Variants in PLCXD3 observed in about 807,000 individuals in gnomAD.
PLCXD3 encodes the protein phosphatidylinositol specific phospholipase C X domain containing 3.
PLCXD3 carries 19 observed loss-of-function variants against 25.5 expected under a neutral mutation model. The ratio of observed to expected loss-of-function variants is 0.75; its 90% CI spans 0.52 to 1.09. The LOEUF (loss-of-function observed/expected upper bound fraction) is 1.09. Ranked by LOEUF, PLCXD3 falls within the 50% of genes least tolerant of loss-of-function variation. The pLI, the probability that PLCXD3 is intolerant of heterozygous loss-of-function variation, is 0.00. For missense variants in PLCXD3, 411 were observed against 388.1 expected (o/e 1.06, Z -0.50); for synonymous variants, 174 against 137.6 (o/e 1.26, Z -1.85).
At chr5:41,450,241 G>A (rs1747598213) in intron 1 of PLCXD3, among the ~76,000 whole-genome samples, 1 of 152,092 alleles carries the variant, frequency 6.6e-6, no homozygotes, top group Non-Finnish European at 1.5e-5. Flanking sequence ...TGGAAAACCT[G>A]CTGATTTTCT....
intron 1 of PLCXD3, among the ~76,000 whole-genome samples, chr5:41,386,987 A>G (rs1041949039): frequency 6.6e-6 from 1 of 152,042 alleles, no homozygotes; most frequent in African/African-American, 2.4e-5. Context: ...TAAGTTTAGT[A>G]TATGAGCCTT....
At chr5:41,494,236 C>T (rs1748786299) in intron 1 of PLCXD3, among the ~76,000 whole-genome samples, 1 of 152,280 alleles carries the variant, frequency 6.6e-6, no homozygotes, top group South Asian at 2.1e-4. Flanking sequence ...GCTGGGACTG[C>T]AGGTGTGGAG....
At chr5:41,408,051 G>A (rs966355058) in intron 1 of PLCXD3, among the ~76,000 whole-genome samples, 11 of 152,270 alleles carry the variant, frequency 7.2e-5, no homozygotes, top group African/African-American at 2.2e-4. Flanking sequence ...CTTTAAACCA[G>A]TAGATGAGCT....
chr5:41,386,663 GA>G (rs1412866583), intron 1 of PLCXD3, among the ~76,000 whole-genome samples: 1 of 152,062 alleles, frequency 6.6e-6, no homozygotes, highest in African/African-American at 2.4e-5. Context: ...GCTCTTAAAA[GA>G]GACAACAAGC....
At chr5:41,423,275 T>C (rs187519265) in intron 1 of PLCXD3, among the ~76,000 whole-genome samples, 520 of 152,268 alleles carry the variant, frequency 3.4e-3, no homozygotes, top group Middle Eastern at 6.8e-3. Context: ...TATACTTTGG[T>C]CTAAATGCTG....
At chr5:41,410,094 A>G (rs1244818404) in intron 1 of PLCXD3, among the ~76,000 whole-genome samples, 1 of 151,898 alleles carries the variant, frequency 6.6e-6, no homozygotes, top group African/African-American at 2.4e-5. Flanking sequence ...CCTCTGGGGT[A>G]CTTTAGATAG....
chr5:41,470,907 C>T (rs1048011774), intron 1 of PLCXD3, among the ~76,000 whole-genome samples: 23 of 152,130 alleles, frequency 1.5e-4, no homozygotes, highest in Non-Finnish European at 2.9e-4. Context: ...CCCAAGTGCA[C>T]CCTATCAAAG....
chr5:41,442,824 C>T (rs1747413527), intron 1 of PLCXD3, among the ~76,000 whole-genome samples: 1 of 152,024 alleles, frequency 6.6e-6, no homozygotes, highest in African/African-American at 2.4e-5. Flanking sequence ...TCTTGTCTTC[C>T]TTGTTCTTCT....
intron 2 of PLCXD3, among the ~76,000 whole-genome samples, chr5:41,381,015 G>C (rs771152351): frequency 3.3e-5 from 5 of 152,088 alleles, no homozygotes; most frequent in Non-Finnish European, 7.4e-5. Context: ...AGTATAAAAG[G>C]CATAGGATAT....
chr5:41,340,240 T>C (rs900222301), intron 2 of PLCXD3, among the ~76,000 whole-genome samples: 9 of 152,174 alleles, frequency 5.9e-5, no homozygotes, highest in African/African-American at 2.2e-4. Flanking sequence ...TTTTCTACAC[T>C]GAATTTTGCA....
chr5:41,465,623 G>C (rs1413476008), intron 1 of PLCXD3, among the ~76,000 whole-genome samples: 1 of 151,762 alleles, frequency 6.6e-6, no homozygotes, highest in Non-Finnish European at 1.5e-5. Flanking sequence ...ACTTGAGGTT[G>C]AGTAGTGAAG....
chr5:41,475,739 T>C (rs1454617877), intron 1 of PLCXD3: 2 of 534,348 alleles, frequency 3.7e-6, no homozygotes, highest in African/African-American at 3.9e-5. Context: ...ATTACAAGAG[T>C]TACTTCTGTT....
chr5:41,340,133 G>A (rs1039648411), intron 2 of PLCXD3, among the ~76,000 whole-genome samples: 6 of 127,988 alleles, frequency 4.7e-5, no homozygotes, highest in African/African-American at 1.7e-4. Context: ...GCTCTCCTGG[G>A]TCCTTCTCTC....
intron 1 of PLCXD3, among the ~76,000 whole-genome samples, chr5:41,414,438 A>G (rs1746646923): frequency 6.6e-6 from 1 of 152,038 alleles, no homozygotes; most frequent in Admixed American, 6.6e-5. Flanking sequence ...ATTATTTTTG[A>G]TGGAAAAAGA....
intron 1 of PLCXD3, among the ~76,000 whole-genome samples, chr5:41,459,469 G>T (rs1217610503): frequency 6.6e-6 from 1 of 151,708 alleles, no homozygotes; most frequent in Non-Finnish European, 1.5e-5. Flanking sequence ...TTCATTATGG[G>T]TCCAGCCTAA....
At chr5:41,462,341 C>A (rs1256991106) in intron 1 of PLCXD3, among the ~76,000 whole-genome samples, 1 of 152,018 alleles carries the variant, frequency 6.6e-6, no homozygotes, top group Non-Finnish European at 1.5e-5. Flanking sequence ...TGGGTACCAA[C>A]AGAAGTTTAA....
At chr5:41,412,741 T>C (rs1199383951) in intron 1 of PLCXD3, among the ~76,000 whole-genome samples, 1 of 152,204 alleles carries the variant, frequency 6.6e-6, no homozygotes, top group Non-Finnish European at 1.5e-5. Context: ...TCACTCAAGA[T>C]CTTACCTCAA....
At chr5:41,401,744 T>G (rs993998227) in intron 1 of PLCXD3, among the ~76,000 whole-genome samples, 17 of 152,066 alleles carry the variant, frequency 1.1e-4, no homozygotes, top group Admixed American at 3.9e-4. Flanking sequence ...CATCTAGTCT[T>G]GGAGTTCTTT....
At chr5:41,345,045 G>A (rs143585527) in intron 2 of PLCXD3, among the ~76,000 whole-genome samples, 1 of 152,244 alleles carries the variant, frequency 6.6e-6, no homozygotes, top group East Asian at 1.9e-4. Context: ...TTCTATTACA[G>A]CATATAATAG....
Sources: gnomAD v4.1 joint callset for allele counts (sites outside exome capture counted in the v4.1 genomes callset) on GRCh38, gnomAD v4.1.1 for gene constraint, MANE v1.5 for transcripts, NCBI Gene and HGNC (gene_info 2026-07-23, HGNC 2026-07-21) for gene names.